PGD: variants seen among roughly 807,000 people sequenced by gnomAD.
PGD encodes phosphogluconate dehydrogenase.
PGD carries 21 observed loss-of-function variants against 60.4 expected under a neutral mutation model. The ratio of observed to expected loss-of-function variants is 0.35; its 90% confidence interval spans 0.25 to 0.50. The LOEUF (loss-of-function observed/expected upper bound fraction) is 0.50. Among genes scored for constraint, PGD ranks in the 20% least tolerant of loss-of-function variants. The probability of loss-of-function intolerance (pLI) is 0.98; values close to 1 mark genes in which losing one functional copy is unlikely to be tolerated. For missense variants in PGD, 477 were observed against 613.1 expected (o/e 0.78, Z 2.34); for synonymous variants, 230 against 235.9 (o/e 0.97, Z 0.23).
Position 10,399,087 on chromosome 1 carries a change from G to T in PGD, c.-31G>T. The T allele has an allele frequency of 6.2e-7, 1 of 1,608,888 alleles. No individual in the cohort carries two copies. On this transcript the variant is annotated 5_prime_UTR_variant, in exon 1 of 13. Transcript: ENST00000270776. Reference sequence around the variant, plus strand: ...TTCCCTCACTCGTCCTCCGCGCGTCGCCGCTCTTCGGTTCTGCTCTGTCCG... The same window carrying T: ...TTCCCTCACTCGTCCTCCGCGCGTCTCCGCTCTTCGGTTCTGCTCTGTCCG...
chr1:10,403,355 A>C (rs139604525), intron 4 of PGD, among the ~76,000 whole-genome samples: 85 of 152,028 alleles, frequency 5.6e-4, no homozygotes, highest in African/African-American at 1.8e-3. Context: ...ACTTTGGGAG[A>C]CGGAGGCAGG....
At chr1:10,418,187 T>G (rs1304928172) in intron 10 of PGD, among the ~76,000 whole-genome samples, 3 of 152,250 alleles carry the variant, frequency 2.0e-5, no homozygotes, top group South Asian at 4.1e-4. Flanking sequence ...AAGATTCATT[T>G]GATGAATCTG....
At chr1:10,406,401 G>A (rs1036626750) in intron 5 of PGD, among the ~76,000 whole-genome samples, 2 of 151,784 alleles carry the variant, frequency 1.3e-5, no homozygotes, top group South Asian at 2.1e-4. Flanking sequence ...AAAAAAAAAA[G>A]GTTTGAAAAT....
intron 8 of PGD, 93 bp downstream of exon 8, chr1:10,413,344 T>C: frequency 8.8e-7 from 1 of 1,139,030 alleles, no homozygotes; most frequent in Non-Finnish European, 1.3e-6. Context: ...GAGAATCTCT[T>C]CAGCCCTCTT....
chr1:10,410,217 G>T (rs1639476611), intron 6 of PGD, among the ~76,000 whole-genome samples: 1 of 152,138 alleles, frequency 6.6e-6, no homozygotes, highest in Non-Finnish European at 1.5e-5. Flanking sequence ...GTGAGAGGCT[G>T]AGGTGAGTGG....
intron 9 of PGD, 33 bp downstream of exon 9, chr1:10,417,150 G>T: frequency 6.2e-7 from 1 of 1,612,268 alleles, no homozygotes; most frequent in Non-Finnish European, 8.5e-7. Flanking sequence ...GGTCTTTGTT[G>T]GTCCTGCGGA....
chr1:10,402,616 G>A (rs1306954558), intron 3 of PGD, among the ~76,000 whole-genome samples: 1 of 151,382 alleles, frequency 6.6e-6, no homozygotes, highest in African/African-American at 2.4e-5. Flanking sequence ...TCCACCTCCC[G>A]GGTTCACGCC....
chr1:10,401,827 A>G (rs1036588108), intron 3 of PGD, among the ~76,000 whole-genome samples: 1 of 152,088 alleles, frequency 6.6e-6, no homozygotes, highest in African/African-American at 2.4e-5. Flanking sequence ...CATCCTAGCT[A>G]ACACGGTGAA....
At chr1:10,418,800 C>CT (rs762178188) in intron 10 of PGD, 26 bp from the exon 11 acceptor site, 4 of 1,106,450 alleles carry the variant, frequency 3.6e-6, no homozygotes, top group Non-Finnish European at 5.2e-6. Context: ...AGACTCATTG[C>CT]TTTTTTCCCC....
chr1:10,417,087 T>C lies in PGD; in HGVS notation c.945T>C (p.Asp315=), dbSNP rs773129876. The C allele has an allele frequency of 1.9e-6, 3 of 1,614,006 alleles. No individual in the cohort carries two copies. The highest frequency in any genetic ancestry group is 1.7e-5 in the Admixed American group (1 of 60,024). ...CCCAGAAGTTCCAGTTTGATGGTGA[T>C]AAGAAATCATTCCTGGAGGACATTC... The part of the protein sequence containing the change: ...KGPQKFQFDG[D]KKSFLEDIRK... Residue 315 remains aspartate, a synonymous_variant, in exon 9 of 13, where the codon GAT becomes GAC. Coordinates refer to ENST00000270776, the MANE Select transcript of PGD (RefSeq NM_002631.4).
chr1:10,404,044 C>G (rs550768762), intron 4 of PGD, 117 bp from the exon 5 acceptor site: 3 of 726,516 alleles, frequency 4.1e-6, no homozygotes, highest in Non-Finnish European at 7.1e-6. Flanking sequence ...TGTAGGCTCT[C>G]CATTCCTATC....
Position 10,414,629 on chromosome 1 carries a change from G to A in PGD, c.844+1378G>A, listed in dbSNP as rs148217783. On this transcript the variant is annotated intron_variant, in intron 8 of 12. Coordinates refer to ENST00000270776, the MANE Select transcript of PGD (RefSeq NM_002631.4). Reference sequence around the variant, plus strand: ...TAACCTCAGGGGATCTGCCCGCCTCGGCTTCCAAAAGTGCTGGGATTGCAG... The same window carrying A: ...TAACCTCAGGGGATCTGCCCGCCTCAGCTTCCAAAAGTGCTGGGATTGCAG... Among the ~76,000 whole-genome samples, 93 of 151,914 alleles carry A rather than the reference G, an allele frequency of 6.1e-4. No individual in the cohort carries two copies. The East Asian group carries it at 0.012, about 19-fold the overall frequency.
At chr1:10,411,389 A>C (rs1267249660) in intron 6 of PGD, 29 bp from the exon 7 acceptor site, 1 of 1,611,298 alleles carries the variant, frequency 6.2e-7, no homozygotes, top group Non-Finnish European at 8.5e-7. Flanking sequence ...GTTTCTCTGA[A>C]GGCCTCTTGG....
intron 8 of PGD, among the ~76,000 whole-genome samples, chr1:10,413,772 G>A (rs1009005354): frequency 1.3e-5 from 2 of 152,120 alleles, no homozygotes; most frequent in South Asian, 4.1e-4. Context: ...AGGTGTGGTG[G>A]CACGTGCCTG....
intron 10 of PGD, 43 bp from the exon 11 acceptor site, chr1:10,418,783 A>AG: frequency 6.4e-6 from 8 of 1,248,660 alleles, no homozygotes; most frequent in African/African-American, 3.0e-5. Flanking sequence ...CAAAAAAAAA[A>AG]AAAAAAAGAC....
chr1:10,402,322 A>T (rs962144996), intron 3 of PGD, among the ~76,000 whole-genome samples: 3 of 151,522 alleles, frequency 2.0e-5, no homozygotes, highest in African/African-American at 7.3e-5. Flanking sequence ...CTCCTGCCTC[A>T]ACCTCCCAAA....
chr1:10,411,609 A>C, intron 7 of PGD, 57 bp downstream of exon 7: 1 of 1,604,088 alleles, frequency 6.2e-7, no homozygotes, highest in East Asian at 2.2e-5. Context: ...ACTTTGCCAC[A>C]GACACCGAAT....
In PGD at chr1:10,417,194, A is replaced by G. The variant is rs1639611121; in HGVS notation, c.975+77A>G. 3 of 1,533,114 alleles carry G rather than the reference A, an allele frequency of 2.0e-6. No homozygotes were observed. In the Admixed American group the frequency reaches 5.3e-5, roughly 27 times the overall value. 95.0% of individuals were successfully genotyped at this position (1,533,114 alleles called of 1,614,324 possible). On this transcript the variant is annotated intron_variant, in intron 9 of 12. Transcript: ENST00000270776. The stretch of plus-strand genomic sequence containing the variant: ...GGGGTGGGGGTTGTGGTGGGAGAAC[A>G]CTCGAGGCCACAGGATGGCAGGTGG...
rs775649997 is a variant in PGD at position 10,419,740 on chromosome 1, C to T, written c.1443C>T (p.Tyr481=). ...GTGGCACCGTGTCATCCTCGTCATA[C>T]AATGCCTGATCATGCTGCTCCTGTC... ...GHGGTVSSSS[Y]NA is the part of the protein sequence containing the mutation. The change falls in exon 13 of 13, where the codon TAC becomes TAT. Residue 481 remains tyrosine, a synonymous_variant. Coordinates refer to ENST00000270776, the MANE Select transcript of PGD (RefSeq NM_002631.4). 18 of 1,614,140 alleles carry T rather than the reference C, an allele frequency of 1.1e-5. No homozygotes were observed. The highest frequency in any genetic ancestry group is 1.7e-5 in the Admixed American group (1 of 60,010).
Sources: gnomAD v4.1 joint callset for allele counts (sites outside exome capture counted in the v4.1 genomes callset) on GRCh38, gnomAD v4.1.1 for gene constraint, MANE v1.5 for transcripts, NCBI Gene and HGNC (gene_info 2026-07-23, HGNC 2026-07-21) for gene names.